The following DZANK1 variants were observed in gnomAD, a reference collection of about 807,000 sequenced individuals.
DZANK1 encodes the protein double zinc ribbon and ankyrin repeat domains 1, also known as double zinc ribbon and ankyrin repeat-containing protein 1.
DZANK1 carries 91 observed loss-of-function variants against 94.5 expected under a neutral mutation model. The observed-to-expected ratio is 0.96, with a 90% CI of 0.81 to 1.15. DZANK1 has a LOEUF of 1.15. Among genes scored for constraint, DZANK1 ranks in the 50% most tolerant of loss-of-function variants. The pLI is 0.00. For missense variants in DZANK1, 903 were observed against 916.4 expected (o/e 0.99, Z 0.19); for synonymous variants, 312 against 325.3 (o/e 0.96, Z 0.44).
exon 13 of DZANK1, chr20:18,412,705 T>C (rs1006501186): frequency 1.2e-6 from 2 of 1,613,654 alleles, no homozygotes; most frequent in Admixed American, 1.7e-5. Flanking sequence ...CTCCTGCCTC[T>C]GCTTTTGAGA....
intron 19 of DZANK1, among the ~76,000 whole-genome samples, 180 bp downstream of exon 19, chr20:18,389,521 G>A (rs1399615616): frequency 6.6e-6 from 1 of 152,128 alleles, no homozygotes; most frequent in Non-Finnish European, 1.5e-5. Flanking sequence ...TTAAAATTTC[G>A]CTTTACCCAG....
Position 18,427,140 on chromosome 20 carries a change from G to A in DZANK1, c.881C>T (p.Ala294Val), listed in dbSNP as rs749524992. Reference sequence around the variant, plus strand: ...GTGAGCAGGATTTCCTGTACCACAGGCCCGGCAAATTACCTTCTCCTTAAC... The same window carrying A: ...GTGAGCAGGATTTCCTGTACCACAGACCCGGCAAATTACCTTCTCCTTAAC... The change falls in exon 10 of 21, where the codon GCC becomes GTC. Residue 294 changes from alanine to valine, a missense_variant. Coordinates refer to ENST00000262547, the Ensembl canonical transcript of DZANK1. 10 of 1,612,462 alleles carry A rather than the reference G, an allele frequency of 6.2e-6. No homozygotes were observed. The Admixed American group carries it at 8.3e-5, about 13-fold the overall frequency.
chr20:18,465,344 T>C lies in DZANK1; in HGVS notation c.15A>G (p.Ser5=), dbSNP rs762243947. 36 of 1,599,544 alleles carry C rather than the reference T, an allele frequency of 2.3e-5. 1 individual carries two copies. In the Admixed American group the frequency reaches 5.8e-4, roughly 26 times the overall value. The change falls in exon 2 of 21, where the codon TCA becomes TCG. Residue 5 remains serine (S), a synonymous_variant. Transcript: ENST00000262547. ...ATGGTATGATCTGAGGGACACACAC[T>C]GAACCAGCAGTCATTTTCTCTCTCT...
In DZANK1 at chr20:18,385,103, G is replaced by C; in HGVS notation, c.2019-13C>G. ...TGTATTTCTGAGCCTAATGAGGGGG[G>C]AAAAATCCTGGATAAATCCTTAGTT... On this transcript the variant is annotated splice_polypyrimidine_tract_variant and intron_variant, in intron 19 of 20. Coordinates refer to ENST00000262547, the Ensembl canonical transcript of DZANK1. The C allele has an allele frequency of 6.4e-7, 1 of 1,551,672 alleles. No individual in the cohort carries two copies. The highest frequency in any genetic ancestry group is 8.7e-7 in the Non-Finnish European group (1 of 1,146,992).
intron 4 of DZANK1, chr20:18,454,401 A>G (rs1181870058): frequency 1.0e-5 from 2 of 196,188 alleles, no homozygotes; most frequent in Non-Finnish European, 2.1e-5. Flanking sequence ...CATCAGGTTC[A>G]TGGTCAAGCT....
intron 13 of DZANK1, among the ~76,000 whole-genome samples, chr20:18,411,090 A>T (rs1363112593): frequency 6.6e-6 from 1 of 152,228 alleles, no homozygotes; most frequent in Non-Finnish European, 1.5e-5. Context: ...CTTTGACCTT[A>T]AACGAGGAAA....
intron 10 of DZANK1, among the ~76,000 whole-genome samples, chr20:18,418,645 G>A (rs1166086069): frequency 6.6e-6 from 1 of 152,086 alleles, no homozygotes; most frequent in Non-Finnish European, 1.5e-5. Context: ...GCTTGCTTTT[G>A]GGGAATGTGC....
Position 18,389,707 on chromosome 20 carries a change from C to T in DZANK1, c.2012G>A (p.Trp671Ter), listed in dbSNP as rs1336298203. ...TTCAATGTGTTTCACTTACGGCCCC[C>T]ACTGCTGGTCGATGTCTGCTCCTCT... Residue 671 changes from tryptophan (W) to a stop codon, truncating the protein, a stop_gained, in exon 19 of 21, where the codon TGG becomes TAG. Coordinates refer to ENST00000262547, the Ensembl canonical transcript of DZANK1. LOFTEE classifies it high-confidence loss of function. 6.2e-7 allele frequency: 1 copy of T among 1,613,816 alleles called. No homozygotes were observed. Among genetic ancestry groups the T allele is most frequent in the Non-Finnish European group, 8.5e-7 (1 of 1,179,822 alleles).
At chr20:18,416,662 C>T (rs1158681694) in intron 10 of DZANK1, among the ~76,000 whole-genome samples, 3 of 152,078 alleles carry the variant, frequency 2.0e-5, no homozygotes, top group African/African-American at 4.8e-5. Flanking sequence ...CTTCAGGGAC[C>T]GCTCTGTTAT....
At chr20:18,461,692 C>T (rs556201218) in intron 2 of DZANK1, among the ~76,000 whole-genome samples, 1 of 151,706 alleles carries the variant, frequency 6.6e-6, no homozygotes, top group East Asian at 1.9e-4. Context: ...CTCTGCCTCC[C>T]GAGTTCAAGC....
chr20:18,407,420 C>A (rs1488579475), intron 13 of DZANK1, among the ~76,000 whole-genome samples: 2 of 152,170 alleles, frequency 1.3e-5, no homozygotes, highest in Non-Finnish European at 2.9e-5. Context: ...CAAGTCCCTT[C>A]GAATACCTGG....
rs140521512 is a variant in DZANK1 at position 18,417,697 on chromosome 20, C to A, written c.955-2248G>T. On this transcript the variant is annotated intron_variant, in intron 10 of 20. Transcript: ENST00000262547. ...GAAACACATCGTATGTAACAGAAAT[C>A]ATCTTTTTTTAAAAAAAACTACAGA... 3.4e-3 allele frequency among the ~76,000 whole-genome samples: 522 copies of A among 152,236 alleles called. 3 individuals carry two copies. Among genetic ancestry groups the A allele is most frequent in the African/African-American group, 5.1e-3 (211 of 41,544 alleles).
intron 17 of DZANK1, among the ~76,000 whole-genome samples, chr20:18,390,823 T>C (rs1474305677): frequency 6.6e-6 from 1 of 152,180 alleles, no homozygotes; most frequent in Non-Finnish European, 1.5e-5. Flanking sequence ...TTATAAAGTG[T>C]TCAAGGTCAG....
In DZANK1 at chr20:18,409,551, TACACACAC is replaced by T. The variant is rs71194238; in HGVS notation, c.1432+3087_1432+3094del. On this transcript the variant is annotated intron_variant, in intron 13 of 20. Coordinates refer to ENST00000262547, the Ensembl canonical transcript of DZANK1. The stretch of plus-strand genomic sequence containing the variant: ...ACATGACCCTAGAGAGTAATATGAA[TACACACAC>T]ACACACACACACACACACACACACC... Among the ~76,000 whole-genome samples the T allele has an allele frequency of 7.4e-4, 106 of 142,638 alleles. 1 individual carries two copies. Among genetic ancestry groups the T allele is most frequent in the African/African-American group, 2.6e-3 (101 of 38,516 alleles). 93.6% of individuals were successfully genotyped at this position (142,638 alleles called of 152,430 possible).
chr20:18,396,554 A>G lies in DZANK1; in HGVS notation c.1537-8T>C. The G allele has an allele frequency of 6.2e-7, 1 of 1,611,020 alleles. No individual in the cohort carries two copies. Among genetic ancestry groups the G allele is most frequent in the Non-Finnish European group, 8.5e-7 (1 of 1,177,996 alleles). ...GACAGTAGCAGAGATAAGCTTTTAA[A>G]AGAGTTGTAGAGAGAATTCATAACT... is the stretch of plus-strand genomic sequence containing the variant. On this transcript the variant is annotated splice_region_variant and splice_polypyrimidine_tract_variant and intron_variant, in intron 14 of 20. Transcript: ENST00000262547.
At chr20:18,465,100 A>C in intron 2 of DZANK1, 150 bp downstream of exon 2, 1 of 558,264 alleles carries the variant, frequency 1.8e-6, no homozygotes, top group Admixed American at 3.1e-5. Flanking sequence ...ATCAATGTAC[A>C]GCACTGTTTC....
Position 18,450,212 on chromosome 20 carries a change from C to T in DZANK1, c.544-1143G>A, listed in dbSNP as rs1446849926. 2.0e-5 allele frequency among the ~76,000 whole-genome samples: 3 copies of T among 152,138 alleles called. No individual in the cohort carries two copies. In the East Asian group the frequency reaches 5.8e-4, roughly 29 times the overall value. ...AGGACTACAGGCTCTATCCTGCAGG[C>T]AATAGAGAGCAGTCAGAGGTTTCTC... is the stretch of plus-strand genomic sequence containing the variant. On this transcript the variant is annotated intron_variant, in intron 6 of 20. Transcript: ENST00000262547.
intron 6 of DZANK1, among the ~76,000 whole-genome samples, chr20:18,451,621 A>C (rs2059105173): frequency 1.3e-5 from 2 of 152,156 alleles, no homozygotes; most frequent in Non-Finnish European, 2.9e-5. Flanking sequence ...TTGCACATCC[A>C]ACAATCTACT....
chr20:18,399,085 C>T (rs2148294184), intron 13 of DZANK1, among the ~76,000 whole-genome samples: 1 of 147,144 alleles, frequency 6.8e-6, no homozygotes, highest in East Asian at 2.0e-4. Context: ...GAGATTGCAC[C>T]ACTGCACTCC....
Sources: gnomAD v4.1 joint callset for allele counts (sites outside exome capture counted in the v4.1 genomes callset) on GRCh38, gnomAD v4.1.1 for gene constraint, MANE v1.5 for transcripts, NCBI Gene and HGNC (gene_info 2026-07-23, HGNC 2026-07-21) for gene names.